Variants in STXBP5L observed in about 807,000 individuals in gnomAD.
STXBP5L encodes the protein syntaxin binding protein 5L.
Under a neutral mutation model 144.5 loss-of-function variants are expected in STXBP5L, and 65 were observed. The ratio of observed to expected loss-of-function variants is 0.45; its 90% confidence interval spans 0.37 to 0.55. The LOEUF (loss-of-function observed/expected upper bound fraction) is 0.55. Ranked by LOEUF, STXBP5L falls within the 20% of genes least tolerant of loss-of-function variation. STXBP5L has a pLI of 0.00. For synonymous variants in STXBP5L, 505 were observed against 469.6 expected, an observed-to-expected ratio of 1.08 and a Z score of -0.97; for missense variants, 1,298 against 1,405.5, an observed-to-expected ratio of 0.92 and a Z score of 1.22.
intron 19 of STXBP5L, among the ~76,000 whole-genome samples, chr3:121,316,947 C>T (rs1164617926): frequency 6.6e-6 from 1 of 152,142 alleles, no homozygotes; most frequent in East Asian, 1.9e-4. Context: ...GATAGCAAAG[C>T]CTGTTCAAGT....
chr3:121,129,427 A>G (rs1172455463), intron 7 of STXBP5L, among the ~76,000 whole-genome samples: 1 of 125,258 alleles, frequency 8.0e-6, no homozygotes, highest in Non-Finnish European at 1.7e-5. Context: ...TAGGTTTTGC[A>G]AAAAAAAAAA....
chr3:120,951,169 C>T (rs1389671260), intron 2 of STXBP5L, among the ~76,000 whole-genome samples: 3 of 152,166 alleles, frequency 2.0e-5, no homozygotes, highest in Non-Finnish European at 4.4e-5. Context: ...GGATTAAAGA[C>T]TTAAACATTA....
intron 18 of STXBP5L, among the ~76,000 whole-genome samples, chr3:121,274,510 C>G (rs558387575): frequency 9.8e-5 from 15 of 152,318 alleles, no homozygotes; most frequent in Non-Finnish European, 1.9e-4. Flanking sequence ...CCTCTTGGCA[C>G]TAAGTCTGAT....
intron 5 of STXBP5L, among the ~76,000 whole-genome samples, chr3:121,113,839 A>T (rs1411359536): frequency 1.3e-5 from 2 of 151,418 alleles, no homozygotes; most frequent in African/African-American, 2.4e-5. Context: ...CGCCCGGCTA[A>T]TTTTTTGTAT....
chr3:121,343,444 G>A (rs1361361178), intron 20 of STXBP5L, among the ~76,000 whole-genome samples: 1 of 152,144 alleles, frequency 6.6e-6, no homozygotes, highest in Non-Finnish European at 1.5e-5. Flanking sequence ...TTTCGGAAAA[G>A]AGGAAGTCAA....
chr3:121,237,315 C>T (rs2049513789), intron 12 of STXBP5L, among the ~76,000 whole-genome samples: 1 of 152,158 alleles, frequency 6.6e-6, no homozygotes, highest in Admixed American at 6.6e-5. Context: ...AGCAGCAACC[C>T]CAGCAGTAGC....
intron 9 of STXBP5L, among the ~76,000 whole-genome samples, chr3:121,170,085 C>G (rs1421892551): frequency 6.6e-6 from 1 of 152,080 alleles, no homozygotes; most frequent in Non-Finnish European, 1.5e-5. Context: ...ACAACGTGCT[C>G]CTGACTACCA....
chr3:121,194,447 A>G (rs1284018899), intron 9 of STXBP5L, among the ~76,000 whole-genome samples: 1 of 150,854 alleles, frequency 6.6e-6, no homozygotes, highest in Non-Finnish European at 1.5e-5. Flanking sequence ...AGGCAGGAGG[A>G]TTGCTTGAGC....
intron 11 of STXBP5L, among the ~76,000 whole-genome samples, chr3:121,226,900 CA>C (rs2108299497): frequency 6.6e-6 from 1 of 152,156 alleles, no homozygotes; most frequent in Admixed American, 6.5e-5. Flanking sequence ...TTGGGCCTAC[CA>C]GGAAGTGATA....
intron 9 of STXBP5L, among the ~76,000 whole-genome samples, chr3:121,162,196 A>AT (rs1279415234): frequency 2.0e-5 from 3 of 152,172 alleles, no homozygotes; most frequent in Non-Finnish European, 4.4e-5. Context: ...AAAACATATC[A>AT]TATGTATGCA....
At chr3:120,919,505 T>C (rs1353592160) in intron 2 of STXBP5L, among the ~76,000 whole-genome samples, 3 of 151,966 alleles carry the variant, frequency 2.0e-5, no homozygotes, top group African/African-American at 7.2e-5. Context: ...ATTTACATAA[T>C]TCAAAAGGTA....
chr3:121,343,643 T>A (rs552204033), intron 20 of STXBP5L, among the ~76,000 whole-genome samples: 1 of 152,204 alleles, frequency 6.6e-6, no homozygotes, highest in Admixed American at 6.6e-5. Flanking sequence ...GAACACCCAT[T>A]CACAATTGCT....
At chr3:121,364,927 G>A (rs181157860) in intron 20 of STXBP5L, among the ~76,000 whole-genome samples, 1 of 151,732 alleles carries the variant, frequency 6.6e-6, no homozygotes, top group Non-Finnish European at 1.5e-5. Flanking sequence ...ATTATAAAAG[G>A]GTGGTGAGTT....
At chr3:121,053,262 C>CA (rs1252676689) in intron 5 of STXBP5L, among the ~76,000 whole-genome samples, 4 of 151,874 alleles carry the variant, frequency 2.6e-5, no homozygotes, top group Non-Finnish European at 4.4e-5. Context: ...CATATGGAGC[C>CA]AAAAAAATCC....
At chr3:121,045,319 G>T in intron 4 of STXBP5L, 116 bp from the exon 5 acceptor site, 1 of 878,678 alleles carries the variant, frequency 1.1e-6, no homozygotes, top group Non-Finnish European at 1.7e-6. Context: ...TTATATTTCT[G>T]AGATAACAAA....
intron 5 of STXBP5L, among the ~76,000 whole-genome samples, chr3:121,073,932 G>T (rs947300049): frequency 6.6e-6 from 1 of 152,186 alleles, no homozygotes; most frequent in African/African-American, 2.4e-5. Context: ...TTTGGCCACA[G>T]ATTTGTGCCT....
At chr3:121,266,245 C>A (rs1241472440) in intron 18 of STXBP5L, among the ~76,000 whole-genome samples, 2 of 152,152 alleles carry the variant, frequency 1.3e-5, no homozygotes, top group African/African-American at 4.8e-5. Context: ...TACGGGCAAA[C>A]CGAATCCAGC....
intron 3 of STXBP5L, among the ~76,000 whole-genome samples, chr3:120,961,564 G>C (rs559989701): frequency 6.6e-6 from 1 of 152,094 alleles, no homozygotes; most frequent in Admixed American, 6.6e-5. Flanking sequence ...GAGAATGCTG[G>C]TTTCCAGCTT....
chr3:121,311,358 C>A (rs755355214), intron 19 of STXBP5L, among the ~76,000 whole-genome samples: 3 of 152,072 alleles, frequency 2.0e-5, no homozygotes, highest in Non-Finnish European at 2.9e-5. Flanking sequence ...AAGATTTTGA[C>A]ATATAGGTAT....
Sources: allele counts gnomAD v4.1 joint callset (sites outside exome capture counted in the v4.1 genomes callset), GRCh38; gene constraint gnomAD v4.1.1; transcripts MANE v1.5; gene names NCBI Gene and HGNC (gene_info 2026-07-23, HGNC 2026-07-21).